The following PRKAR2A variants were observed in gnomAD, a reference collection of about 807,000 sequenced individuals.
PRKAR2A encodes cAMP-dependent protein kinase type II-alpha regulatory subunit.
PRKAR2A carries 29 observed loss-of-function variants against 51.9 expected under a neutral mutation model. That is an observed-to-expected ratio of 0.56 (90% CI 0.42 to 0.76). The LOEUF (loss-of-function observed/expected upper bound fraction) is 0.76. PRKAR2A is among the 30% of genes least tolerant of loss of function. PRKAR2A has a pLI of 0.00. For synonymous variants in PRKAR2A, 178 were observed against 186.2 expected (o/e 0.96, Z 0.36); for missense variants, 445 against 512.1 (o/e 0.87, Z 1.26).
intron 6 of PRKAR2A, among the ~76,000 whole-genome samples, chr3:48,772,525 C>T (rs1042022341): frequency 6.6e-6 from 1 of 152,078 alleles, no homozygotes; most frequent in East Asian, 1.9e-4. Flanking sequence ...TTATTATTCC[C>T]CTATACAAAT....
intron 5 of PRKAR2A, among the ~76,000 whole-genome samples, chr3:48,773,720 TC>T (rs957987897): frequency 3.3e-5 from 5 of 151,280 alleles, no homozygotes; most frequent in East Asian, 3.9e-4. Flanking sequence ...TTCCTTTTTT[TC>T]CCCCCATCTT....
chr3:48,789,646 A>AG (rs1353662108), intron 4 of PRKAR2A, among the ~76,000 whole-genome samples: 3 of 151,646 alleles, frequency 2.0e-5, no homozygotes, highest in African/African-American at 7.3e-5. Context: ...GCACACTACC[A>AG]CACCTGGCTA....
chr3:48,843,648 A>G (rs1220282442), intron 1 of PRKAR2A, among the ~76,000 whole-genome samples: 1 of 152,192 alleles, frequency 6.6e-6, no homozygotes, highest in Non-Finnish European at 1.5e-5. Flanking sequence ...ATATAGATCA[A>G]TGGAACAGAA....
At chr3:48,818,900 G>C (rs1223680955) in intron 1 of PRKAR2A, among the ~76,000 whole-genome samples, 4 of 152,186 alleles carry the variant, frequency 2.6e-5, no homozygotes, top group African/African-American at 9.6e-5. Flanking sequence ...TCATAGTTTT[G>C]TGGAGGGTTT....
intron 1 of PRKAR2A, among the ~76,000 whole-genome samples, chr3:48,830,405 C>G (rs1006614758): frequency 3.3e-5 from 5 of 152,110 alleles, no homozygotes; most frequent in African/African-American, 9.7e-5. Context: ...ATGAATTCTT[C>G]TGGAATACCA....
At chr3:48,843,301 TTTTC>T (rs1439013847) in intron 1 of PRKAR2A, among the ~76,000 whole-genome samples, 1 of 152,170 alleles carries the variant, frequency 6.6e-6, no homozygotes, top group African/African-American at 2.4e-5. Context: ...TCTTCTCTTT[TTTTC>T]TTTATTAGTC....
intron 1 of PRKAR2A, among the ~76,000 whole-genome samples, chr3:48,814,436 A>T (rs182755914): frequency 2.9e-4 from 44 of 152,196 alleles, no homozygotes; most frequent in Non-Finnish European, 5.4e-4. Flanking sequence ...AAAATAAATA[A>T]TCAAGGAGGA....
intron 5 of PRKAR2A, among the ~76,000 whole-genome samples, chr3:48,782,438 CT>C (rs796833465): frequency 1.6e-3 from 229 of 145,008 alleles, no homozygotes; most frequent in Admixed American, 2.1e-3. Flanking sequence ...AGGAGACTTT[CT>C]TTTTTTTTTT....
chr3:48,795,825 G>A (rs547902212), intron 2 of PRKAR2A, among the ~76,000 whole-genome samples: 11 of 152,164 alleles, frequency 7.2e-5, no homozygotes, highest in African/African-American at 1.4e-4. Flanking sequence ...ATGTGCCACC[G>A]CGCCTGACCT....
chr3:48,765,008 G>A lies in PRKAR2A; in HGVS notation c.869C>T (p.Thr290Ile). 6.2e-7 allele frequency: 1 copy of A among 1,613,802 alleles called. No homozygotes were observed. Among genetic ancestry groups the A allele is most frequent in the South Asian group, 1.1e-5 (1 of 91,070 alleles). The change falls in exon 8 of 11, where the codon ACT (threonine) becomes ATT (isoleucine). Residue 290 changes from threonine to isoleucine, a missense_variant. Transcript: ENST00000265563. ...CTGCGTAAAGCCCTCACTCACCTGAGTGATTATGCGTTCTCCATCCTTATA... is the reference window on the plus strand; with the variant it reads ...CTGCGTAAAGCCCTCACTCACCTGAATGATTATGCGTTCTCCATCCTTATA... Reference protein sequence around the residue: ...KIYKDGERIITQGEKADSFYI... With the variant: ...KIYKDGERIIIQGEKADSFYI...
At chr3:48,805,431 G>A (rs3923913) in intron 2 of PRKAR2A, among the ~76,000 whole-genome samples, 3,469 of 152,268 alleles carry the variant, frequency 0.023, 151 homozygotes, top group African/African-American at 0.078. Context: ...AGAATTTGGC[G>A]GATTTAGCTG....
At chr3:48,832,339 T>C (rs2083203355) in intron 1 of PRKAR2A, among the ~76,000 whole-genome samples, 1 of 151,840 alleles carries the variant, frequency 6.6e-6, no homozygotes, top group Non-Finnish European at 1.5e-5. Flanking sequence ...CTGACAAATT[T>C]CCAGGCAGCT....
intron 1 of PRKAR2A, among the ~76,000 whole-genome samples, chr3:48,809,773 A>G (rs1206083059): frequency 6.6e-6 from 1 of 152,088 alleles, no homozygotes; most frequent in Non-Finnish European, 1.5e-5. Context: ...AAATTCTAAA[A>G]TCATAAAATG....
At chr3:48,782,034 C>G (rs2082205522) in intron 5 of PRKAR2A, among the ~76,000 whole-genome samples, 1 of 152,184 alleles carries the variant, frequency 6.6e-6, no homozygotes, top group African/African-American at 2.4e-5. Flanking sequence ...TTTTTATTAT[C>G]TAGCTCCAAA....
Position 48,837,158 on chromosome 3 carries a change from G to A in PRKAR2A, c.262+10177C>T, listed in dbSNP as rs1043402286. Among the ~76,000 whole-genome samples, 66 of 151,724 alleles carry A rather than the reference G, an allele frequency of 4.4e-4. 1 individual carries two copies. Among genetic ancestry groups the A allele is most frequent in the Middle Eastern group, 6.8e-3 (2 of 294 alleles). On this transcript the variant is annotated intron_variant, in intron 1 of 10. Coordinates refer to ENST00000265563, the MANE Select transcript of PRKAR2A (RefSeq NM_004157.4). ...AATAATAAAAATAAAAATTAGCCAGGTATGAAAAAAAAAATTAGCCACTTA... is the reference window on the plus strand; with the variant it reads ...AATAATAAAAATAAAAATTAGCCAGATATGAAAAAAAAAATTAGCCACTTA...
chr3:48,829,875 T>A (rs56270634), intron 1 of PRKAR2A, among the ~76,000 whole-genome samples: 19,224 of 73,258 alleles, frequency 0.26, 2,092 homozygotes, highest in Non-Finnish European at 0.32. Context: ...ATATATATTT[T>A]TTTTTTTTTT....
At chr3:48,819,547 G>C (rs769011695) in intron 1 of PRKAR2A, among the ~76,000 whole-genome samples, 3 of 152,130 alleles carry the variant, frequency 2.0e-5, no homozygotes, top group Non-Finnish European at 4.4e-5. Context: ...GTAAAAGTGT[G>C]AATCAATAAA....
intron 2 of PRKAR2A, among the ~76,000 whole-genome samples, chr3:48,794,342 G>C (rs898165615): frequency 6.6e-6 from 1 of 151,048 alleles, no homozygotes; most frequent in African/African-American, 2.4e-5. Flanking sequence ...GTAGGGATGG[G>C]GTTTCACCAT....
chr3:48,778,190 T>C lies in PRKAR2A; in HGVS notation c.542+4796A>G, dbSNP rs900415628. 2.0e-5 allele frequency among the ~76,000 whole-genome samples: 3 copies of C among 152,176 alleles called. No individual in the cohort carries two copies. In the South Asian group the frequency reaches 6.2e-4, roughly 31 times the overall value. On this transcript the variant is annotated intron_variant, in intron 5 of 10. Transcript: ENST00000265563. Reference sequence around the variant, plus strand: ...TTTTTGTTTTGTAGAGACAGGGGTCTCACTATGTTGCCCAGGCTAGTCTCG... The same window carrying C: ...TTTTTGTTTTGTAGAGACAGGGGTCCCACTATGTTGCCCAGGCTAGTCTCG...
Sources: allele counts gnomAD v4.1 joint callset (sites outside exome capture counted in the v4.1 genomes callset), GRCh38; gene constraint gnomAD v4.1.1; transcripts MANE v1.5; gene names NCBI Gene and HGNC (gene_info 2026-07-23, HGNC 2026-07-21).